LGALS3: variants seen among roughly 807,000 people sequenced by gnomAD.
LGALS3 encodes the protein galectin 3, also known as galectin-3.
Under a neutral mutation model 20.7 loss-of-function variants are expected in LGALS3, and 18 were observed. The ratio of observed to expected loss-of-function variants is 0.87; its 90% CI spans 0.60 to 1.29. LGALS3 has a LOEUF of 1.29. LGALS3 is among the 50% of genes most tolerant of loss of function. The pLI is 0.00. For missense variants in LGALS3, 315 were observed against 314.7 expected, an observed-to-expected ratio of 1.00 and a Z score of -0.01; for synonymous variants, 112 against 119.6, an observed-to-expected ratio of 0.94 and a Z score of 0.42.
chr14:55,138,253 C>G lies in LGALS3; in HGVS notation c.227C>G (p.Pro76Arg). 2 of 1,612,632 alleles carry G rather than the reference C, an allele frequency of 1.2e-6. No individual in the cohort carries two copies. Among genetic ancestry groups the G allele is most frequent in the Non-Finnish European group, 1.7e-6 (2 of 1,179,528 alleles). Residue 76 changes from proline to arginine, a missense_variant, in exon 3 of 6, where the codon CCT (proline) becomes CGT (arginine). By Grantham distance (103) the Pro-to-Arg change is moderately radical (BLOSUM62 -2). Transcript: ENST00000254301. ...APGAYPGAPA[P>R]GVYPGPPSGP... ...GGAGCTTATCCCGGAGCACCTGCACCTGGAGTCTACCCAGGGCCACCCAGC... is the reference window on the plus strand; with the variant it reads ...GGAGCTTATCCCGGAGCACCTGCACGTGGAGTCTACCCAGGGCCACCCAGC...
rs1023871392 is a variant in LGALS3, at chr14:55,135,563, T to G, written c.-4-1807T>G. Reference sequence around the variant, plus strand: ...AAAAATAAGGTAATATTTTATGGTTTTTTTTTTTTTTTTTTTTTTTTGAGA... The same window carrying G: ...AAAAATAAGGTAATATTTTATGGTTGTTTTTTTTTTTTTTTTTTTTTGAGA... On this transcript the variant is annotated intron_variant, in intron 1 of 5. Coordinates refer to ENST00000254301, the MANE Select transcript of LGALS3 (RefSeq NM_002306.4). Among the ~76,000 whole-genome samples, 14 of 138,750 alleles carry G rather than the reference T, an allele frequency of 1.0e-4. 1 individual carries two copies. The highest frequency in any genetic ancestry group is 1.6e-4 in the Non-Finnish European group (10 of 64,176). 91.0% of individuals were successfully genotyped at this position (138,750 alleles called of 152,430 possible).
intron 4 of LGALS3, among the ~76,000 whole-genome samples, chr14:55,142,067 A>G (rs1881642343): frequency 6.6e-6 from 1 of 152,244 alleles, no homozygotes; most frequent in African/African-American, 2.4e-5. Context: ...GATACTGAAT[A>G]TTAACTACCT....
At chr14:55,142,820 C>T in intron 5 of LGALS3, 71 bp downstream of exon 5, 1 of 1,269,124 alleles carries the variant, frequency 7.9e-7, no homozygotes, top group Non-Finnish European at 1.1e-6. Context: ...AACCCCAAAG[C>T]ACTTGAAGTG....
chr14:55,140,453 T>TA (rs1881582224), intron 4 of LGALS3, 90 bp downstream of exon 4: 1 of 734,380 alleles, frequency 1.4e-6, no homozygotes, highest in South Asian at 1.8e-5. Context: ...TGCCCTGTCT[T>TA]ACAGTGCTAT....
chr14:55,140,293 C>G lies in LGALS3; in HGVS notation c.361C>G (p.Pro121Ala). 6.2e-7 allele frequency: 1 copy of G among 1,613,040 alleles called. No homozygotes were observed. Among genetic ancestry groups the G allele is most frequent in the South Asian group, 1.1e-5 (1 of 90,964 alleles). Reference sequence around the variant, plus strand: ...TTCCCAGATTGTGCCTTATAACCTGCCTTTGCCTGGGGGAGTGGTGCCTCG... The same window carrying G: ...TTCCCAGATTGTGCCTTATAACCTGGCTTTGCCTGGGGGAGTGGTGCCTCG... ...AGPLIVPYNL[P>A]LPGGVVPRML... The change falls in exon 4 of 6, where the codon CCT becomes GCT. Residue 121 changes from proline to alanine, a missense_variant. Physicochemically the swap from Pro to Ala is conservative, Grantham distance 27 (BLOSUM62 -1). Transcript: ENST00000254301.
chr14:55,132,490 T>C (rs1266794613), intron 1 of LGALS3, among the ~76,000 whole-genome samples: 1 of 152,344 alleles, frequency 6.6e-6, no homozygotes, highest in African/African-American at 2.4e-5. Context: ...ATGATACTTA[T>C]CTGAATAGAT....
rs1205338365 is a variant in LGALS3, at chr14:55,145,174, TG to T, written c.657del (p.Leu219PhefsTer22). 6.2e-7 allele frequency: 1 copy of T among 1,614,080 alleles called. No homozygotes were observed. Among genetic ancestry groups the T allele is most frequent in the Admixed American group, 1.7e-5 (1 of 60,022 alleles). ...GTTGCAGTGAATGATGCTCACTTGT[TG>T]CAGTACAATCATCGGGTTAAAAAAC... ...FKVAVNDAHLLQYNHRVKKLN... is the reference protein window; with the variant it reads ...FKVAVNDAHLXQYNHRVKKLN... On this transcript the variant is annotated frameshift_variant, in exon 6 of 6. Coordinates refer to ENST00000254301, the MANE Select transcript of LGALS3 (RefSeq NM_002306.4). LOFTEE classifies it high-confidence loss of function.
chr14:55,130,611 G>A (rs559403105), intron 1 of LGALS3, among the ~76,000 whole-genome samples: 1 of 151,724 alleles, frequency 6.6e-6, no homozygotes, highest in East Asian at 1.9e-4. Flanking sequence ...CCAGGCTGGA[G>A]TGCAACGGCA....
intron 1 of LGALS3, among the ~76,000 whole-genome samples, chr14:55,133,921 A>T (rs1170281364): frequency 6.6e-6 from 1 of 152,234 alleles, no homozygotes; most frequent in Non-Finnish European, 1.5e-5. Flanking sequence ...AAATTCAGCT[A>T]GTTTTAACAA....
chr14:55,131,213 C>T (rs181606509), intron 1 of LGALS3, among the ~76,000 whole-genome samples: 5 of 152,132 alleles, frequency 3.3e-5, no homozygotes, highest in South Asian at 2.1e-4. Context: ...CAGAAGAGGA[C>T]GAGTACCGCC....
rs970545605 is a variant in LGALS3, at chr14:55,130,756, G to T, written c.-5+1456G>T. ...GTATTTTTCGTGGTGGTGGTGGTGG[G>T]GGGGGGGGGGTCCCTCCATGTTGGT... On this transcript the variant is annotated intron_variant, in intron 1 of 5. Transcript: ENST00000254301. Among the ~76,000 whole-genome samples, 535 of 139,232 alleles carry T rather than the reference G, an allele frequency of 3.8e-3. 13 individuals carry two copies. The highest frequency in any genetic ancestry group is 0.011 in the Middle Eastern group (3 of 264). The allele number at this position is 139,232 out of a possible 152,430, so 91.3% of individuals were successfully genotyped here.
At chr14:55,141,761 T>C (rs184514675) in intron 4 of LGALS3, among the ~76,000 whole-genome samples, 1 of 152,332 alleles carries the variant, frequency 6.6e-6, no homozygotes, top group African/African-American at 2.4e-5. Context: ...TGGAAGATCA[T>C]TTGTGGTTGA....
intron 1 of LGALS3, among the ~76,000 whole-genome samples, chr14:55,133,180 T>C (rs1160388629): frequency 6.7e-6 from 1 of 149,074 alleles, no homozygotes; most frequent in African/African-American, 2.4e-5. Context: ...TACTTTAAAA[T>C]TTCAAAGTGT....
chr14:55,135,249 A>G (rs1240333220), intron 1 of LGALS3, among the ~76,000 whole-genome samples: 1 of 152,184 alleles, frequency 6.6e-6, no homozygotes, highest in African/African-American at 2.4e-5. Context: ...AGCATCCCCA[A>G]TGCAGAAATC....
chr14:55,134,552 A>G (rs1881323844), intron 1 of LGALS3, among the ~76,000 whole-genome samples: 1 of 152,174 alleles, frequency 6.6e-6, no homozygotes, highest in Non-Finnish European at 1.5e-5. Flanking sequence ...CTTTTTCTGA[A>G]TTAAAAATTT....
intron 1 of LGALS3, among the ~76,000 whole-genome samples, chr14:55,130,154 C>T (rs1436953910): frequency 6.6e-6 from 1 of 152,210 alleles, no homozygotes; most frequent in East Asian, 1.9e-4. Flanking sequence ...CGTGCAGAGC[C>T]CTACCGGGGG....
intron 5 of LGALS3, among the ~76,000 whole-genome samples, chr14:55,143,136 T>A (rs1881686660): frequency 6.6e-6 from 1 of 152,246 alleles, no homozygotes; most frequent in Admixed American, 6.5e-5. Context: ...TAAAGTTTTA[T>A]GAAAAGTTTA....
chr14:55,142,580 A>G lies in LGALS3; in HGVS notation c.432-4A>G. ...TTTAATAACTGGTCTTTGGTTTAAA[A>G]CAGAATTGCTTTAGATTTCCAAAGA... On this transcript the variant is annotated splice_polypyrimidine_tract_variant and splice_region_variant and intron_variant, in intron 4 of 5. Transcript: ENST00000254301. 1.9e-6 allele frequency: 3 copies of G among 1,611,072 alleles called. No homozygotes were observed. Among genetic ancestry groups the G allele is most frequent in the Non-Finnish European group, 2.5e-6 (3 of 1,177,366 alleles).
rs72716692 is a variant in LGALS3 at position 55,141,063 on chromosome 14, A to G, written c.431+700A>G. On this transcript the variant is annotated intron_variant, in intron 4 of 5. Coordinates refer to ENST00000254301, the MANE Select transcript of LGALS3 (RefSeq NM_002306.4). ...GACAGTACCTAAATGGCACAAATTC[A>G]AGCCATGTACACAGGTTTATGCAAG... is the stretch of plus-strand genomic sequence containing the variant. Among the ~76,000 whole-genome samples, 871 of 152,290 alleles carry G rather than the reference A, an allele frequency of 5.7e-3. 7 individuals are homozygous for G. Among genetic ancestry groups the G allele is most frequent in the Middle Eastern group, 0.024 (7 of 294 alleles).
Sources: allele counts gnomAD v4.1 joint callset (sites outside exome capture counted in the v4.1 genomes callset), GRCh38; gene constraint gnomAD v4.1.1; transcripts MANE v1.5; gene names NCBI Gene and HGNC (gene_info 2026-07-23, HGNC 2026-07-21).